MIA3: variants seen among roughly 807,000 people sequenced by gnomAD.
The protein encoded by MIA3 is MIA SH3 domain ER export factor 3.
MIA3 carries 90 observed loss-of-function variants against 192.4 expected under a neutral mutation model. The observed-to-expected ratio is 0.47, with a 90% confidence interval of 0.39 to 0.56. The LOEUF is 0.56. MIA3 is among the 20% of genes least tolerant of loss of function. The pLI, the probability that MIA3 is intolerant of heterozygous loss-of-function variation, is 0.00. For synonymous variants in MIA3, 740 were observed against 792.8 expected (o/e 0.93, Z 1.12); for missense variants, 2,123 against 2,269.4 (o/e 0.94, Z 1.31).
rs761728463 is a variant in MIA3, at chr1:222,652,243, A to C, written c.3997A>C (p.Asn1333His). 1 of 1,613,060 alleles carries C rather than the reference A, an allele frequency of 6.2e-7. No homozygotes were observed. The highest frequency in any genetic ancestry group is 1.7e-5 in the Admixed American group (1 of 60,004). Residue 1333 changes from asparagine (N) to histidine (H), a missense_variant, in exon 13 of 28, where the codon AAT (asparagine) becomes CAT (histidine). Asn to His is a moderately conservative substitution (Grantham distance 68). Transcript: ENST00000344922. ...SEFSEVQIAL[N>H]EAKLSEEKVK... ...TTTGCATTAGGTTCAGATTGCACTT[A>C]ATGAAGCTAAGCTTAGTGAAGAGAA...
intron 6 of MIA3, chr1:222,644,396 C>T: frequency 6.5e-7 from 1 of 1,536,816 alleles, no homozygotes; most frequent in South Asian, 1.2e-5. Context: ...GGGGCCTTTC[C>T]GGAGGAGGAA....
In MIA3 at chr1:222,621,145, CTCTT is replaced by C; in HGVS notation, c.134-12_134-9del. The C allele has an allele frequency of 6.3e-7, 1 of 1,577,352 alleles. No homozygotes were observed. The highest frequency in any genetic ancestry group is 2.2e-5 in the East Asian group (1 of 44,512). ...TGATATCTGGCTATTTTTTTTCTCT[CTCTT>C]TATATACAGTGTTAATGTACCGCGG... On this transcript the variant is annotated splice_polypyrimidine_tract_variant and intron_variant, in intron 1 of 27. Coordinates refer to ENST00000344922, the MANE Select transcript of MIA3 (RefSeq NM_198551.4).
rs753865542 is a variant in MIA3 at position 222,629,616 on chromosome 1, T to C, written c.2396T>C (p.Val799Ala). 1.9e-6 allele frequency: 3 copies of C among 1,613,736 alleles called. No homozygotes were observed. In the East Asian group the frequency reaches 6.7e-5, roughly 36 times the overall value. The change falls in exon 4 of 28, where the codon GTC becomes GCC. Residue 799 changes from valine (V) to alanine (A), a missense_variant. Val to Ala is a moderately conservative substitution (Grantham distance 64, BLOSUM62 0). This residue lies in a region of MIA3 where 1,357 missense variants were observed against 1,396.1 expected (regional missense o/e 0.97). Coordinates refer to ENST00000344922, the MANE Select transcript of MIA3 (RefSeq NM_198551.4). ...EKTSETAAKG[V>A]NTGGREPNTM... is the part of the protein sequence containing the mutation. ...ACAAGTGAGACTGCTGCCAAAGGGG[T>C]CAACACAGGAGGCAGGGAACCAAAT...
chr1:222,647,991 T>C, intron 7 of MIA3: 1 of 335,104 alleles, frequency 3.0e-6, no homozygotes, highest in Non-Finnish European at 6.4e-6. Context: ...GGATGATTTG[T>C]GGACTGGTGT....
Position 222,665,426 on chromosome 1 carries a change from C to T in MIA3, c.5531C>T (p.Pro1844Leu), listed in dbSNP as rs1465797614. Reference protein sequence around the residue: ...GFLPGHAPFRPLGSLGPREYF... With the variant: ...GFLPGHAPFRLLGSLGPREYF... ...TTACCTGGACACGCACCATTTAGAC[C>T]TTTAGGTTCACTTGGCCCAAGAGAG... Residue 1844 changes from proline (P) to leucine (L), a missense_variant, in exon 28 of 28, where the codon CCT becomes CTT. Pro to Leu is a moderately conservative substitution (Grantham distance 98). Coordinates refer to ENST00000344922, the MANE Select transcript of MIA3 (RefSeq NM_198551.4). The T allele has an allele frequency of 6.2e-7, 1 of 1,613,994 alleles. No individual in the cohort carries two copies. The highest frequency in any genetic ancestry group is 2.2e-5 in the East Asian group (1 of 44,878).
At chr1:222,619,735 T>C (rs1386248088) in intron 1 of MIA3, among the ~76,000 whole-genome samples, 1 of 152,230 alleles carries the variant, frequency 6.6e-6, no homozygotes, top group Non-Finnish European at 1.5e-5. Context: ...TGAGGCATGA[T>C]GTTAGAAGAG....
intron 26 of MIA3, among the ~76,000 whole-genome samples, chr1:222,663,432 C>G (rs1198377297): frequency 6.6e-6 from 1 of 152,152 alleles, no homozygotes; most frequent in Non-Finnish European, 1.5e-5. Flanking sequence ...CAGCCAGCCT[C>G]TTACATGCTG....
chr1:222,653,454 G>A, intron 15 of MIA3, 115 bp downstream of exon 15: 1 of 665,530 alleles, frequency 1.5e-6, no homozygotes, highest in Non-Finnish European at 2.7e-6. Flanking sequence ...TAAATACATT[G>A]GATTTGAATG....
chr1:222,626,801 C>A (rs1247612588), intron 3 of MIA3, among the ~76,000 whole-genome samples: 1 of 152,210 alleles, frequency 6.6e-6, no homozygotes, highest in African/African-American at 2.4e-5. Context: ...AAGCTGATTT[C>A]TTTCCCAGTC....
intron 15 of MIA3, 150 bp downstream of exon 15, chr1:222,653,489 G>A (rs1663550880): frequency 1.6e-6 from 1 of 629,848 alleles, no homozygotes; most frequent in African/African-American, 1.8e-5. Flanking sequence ...TTGGGCAGAG[G>A]TGGATTGCTA....
chr1:222,639,333 A>G (rs1662757563), intron 6 of MIA3, among the ~76,000 whole-genome samples: 1 of 152,208 alleles, frequency 6.6e-6, no homozygotes, highest in Admixed American at 6.5e-5. Flanking sequence ...AATTCTACAC[A>G]AACTTGTCTA....
chr1:222,656,004 C>G (rs1223256385), intron 18 of MIA3, among the ~76,000 whole-genome samples: 2 of 124,056 alleles, frequency 1.6e-5, no homozygotes, highest in Non-Finnish European at 3.2e-5. Flanking sequence ...GAGTCTCACT[C>G]TGCCGCCCAG....
In MIA3 at chr1:222,628,905, C is replaced by G. The variant is rs374012804; in HGVS notation, c.1685C>G (p.Ala562Gly). Residue 562 changes from alanine (A) to glycine (G), a missense_variant, in exon 4 of 28, where the codon GCT becomes GGT. Transcript: ENST00000344922. ...GGSESESAQK[A>G]AGNQMNDRKI... is the part of the protein sequence containing the mutation. ...TCAGAGAGTGAATCTGCACAGAAAG[C>G]TGCAGGGAATCAAATGAATGACAGA... 4.3e-6 allele frequency: 7 copies of G among 1,614,028 alleles called. No individual in the cohort carries two copies. The African/African-American group carries it at 8.0e-5, about 18-fold the overall frequency.
chr1:222,664,070 G>A lies in MIA3; in HGVS notation c.5335G>A (p.Val1779Ile), dbSNP rs764807513. The change falls in exon 27 of 28, where the codon GTA becomes ATA. Residue 1779 changes from valine to isoleucine, a missense_variant. Physicochemically the swap from Val to Ile is conservative, Grantham distance 29 (BLOSUM62 3). Around this residue, in one of 3 missense-constraint regions of MIA3, gnomAD observed 762 missense variants for 856.4 expected, o/e 0.89. Transcript: ENST00000344922. ...CATGAGCACCCCCATGGGAGGCCCT[G>A]TACCACCACCCATTCGATATGGACC... is the stretch of plus-strand genomic sequence containing the variant. ...PLMSTPMGGP[V>I]PPPIRYGPPP... 5 of 1,614,064 alleles carry A rather than the reference G, an allele frequency of 3.1e-6. No homozygotes were observed. Among genetic ancestry groups the A allele is most frequent in the Non-Finnish European group, 4.2e-6 (5 of 1,179,932 alleles).
rs767037873 is a variant in MIA3 at position 222,662,234 on chromosome 1, G to C, written c.5183-19G>C. On this transcript the variant is annotated intron_variant, in intron 25 of 27. Coordinates refer to ENST00000344922, the MANE Select transcript of MIA3 (RefSeq NM_198551.4). ...CACAAGTCAGAATAAGTCTACATCA[G>C]TTCTCTGGTCTTTAACAGATCCAGG... 26 of 1,611,402 alleles carry C rather than the reference G, an allele frequency of 1.6e-5. No homozygotes were observed. The highest frequency in any genetic ancestry group is 2.1e-5 in the Non-Finnish European group (25 of 1,177,684).
chr1:222,659,689 G>A (rs746845631), intron 21 of MIA3, 32 bp downstream of exon 21: 47 of 1,613,570 alleles, frequency 2.9e-5, no homozygotes, highest in Non-Finnish European at 3.9e-5. Flanking sequence ...CCCTTATTTT[G>A]TGCATAGTCT....
At chr1:222,655,785 G>T (rs1051946985) in intron 18 of MIA3, among the ~76,000 whole-genome samples, 1 of 151,870 alleles carries the variant, frequency 6.6e-6, no homozygotes, top group Non-Finnish European at 1.5e-5. Context: ...GTTTTTCTTC[G>T]TGATACAGTT....
chr1:222,637,684 ATTTTTTTT>A (rs112135138), intron 6 of MIA3, among the ~76,000 whole-genome samples: 1 of 76,378 alleles, frequency 1.3e-5, no homozygotes, highest in African/African-American at 3.5e-5. Context: ...ATCAAGAATA[ATTTTTTTT>A]TTTTTTTTTT....
At chr1:222,625,014 T>C (rs948033497) in intron 3 of MIA3, among the ~76,000 whole-genome samples, 160 bp downstream of exon 3, 2 of 151,982 alleles carry the variant, frequency 1.3e-5, no homozygotes, top group African/African-American at 2.4e-5. Flanking sequence ...GGCTATGTAC[T>C]CTTTTTTTTT....
Sources: gnomAD v4.1 joint callset for allele counts (sites outside exome capture counted in the v4.1 genomes callset) on GRCh38, gnomAD v4.1.1 for gene constraint, gnomAD v4.1.1 regional missense constraint, MANE v1.5 for transcripts, NCBI Gene and HGNC (gene_info 2026-07-23, HGNC 2026-07-21) for gene names.